NXPH2: variants seen among roughly 807,000 people sequenced by gnomAD.
NXPH2 encodes the protein neurexophilin-2.
NXPH2 carries 5 observed loss-of-function variants against 19.8 expected under a neutral mutation model. The observed-to-expected ratio is 0.25, with a 90% CI of 0.13 to 0.53. The LOEUF is 0.53. Ranked by LOEUF, NXPH2 falls within the 20% of genes least tolerant of loss-of-function variation. The pLI is 0.96. For synonymous variants in NXPH2, 154 were observed against 127.4 expected (o/e 1.21, Z -1.41); for missense variants, 289 against 322.8 (o/e 0.90, Z 0.80).
At chr2:138,763,834 T>C (rs1291065542) in intron 1 of NXPH2, among the ~76,000 whole-genome samples, 2 of 152,202 alleles carry the variant, frequency 1.3e-5, no homozygotes, top group Non-Finnish European at 2.9e-5. Flanking sequence ...CCAAAGTTTT[T>C]CCCTGCAATC....
At chr2:138,675,436 T>C (rs1680471965) in intron 1 of NXPH2, among the ~76,000 whole-genome samples, 1 of 152,186 alleles carries the variant, frequency 6.6e-6, no homozygotes, top group Non-Finnish European at 1.5e-5. Flanking sequence ...AAATACATGA[T>C]AGACACTGAT....
At chr2:138,705,756 T>TCC (rs1324821089) in intron 1 of NXPH2, among the ~76,000 whole-genome samples, 1 of 152,036 alleles carries the variant, frequency 6.6e-6, no homozygotes, top group African/African-American at 2.4e-5. Flanking sequence ...TGGTCCTTGT[T>TCC]CTCTCTCTCT....
rs187126977 is a variant in NXPH2 at position 138,698,586 on chromosome 2, G to A, written c.52-26921C>T. On this transcript the variant is annotated intron_variant, in intron 1 of 1. Transcript: ENST00000272641. ...ATGTGGCATCAGGGCCAGGCGTGGT[G>A]ACTCAGGCCTGTAATCTCAGCACTG... Among the ~76,000 whole-genome samples the A allele has an allele frequency of 1.2e-3, 180 of 152,290 alleles. 1 individual carries two copies. The highest frequency in any genetic ancestry group is 7.2e-3 in the Admixed American group (110 of 15,304).
At chr2:138,767,698 G>A (rs909847544) in intron 1 of NXPH2, among the ~76,000 whole-genome samples, 13 of 151,938 alleles carry the variant, frequency 8.6e-5, no homozygotes, top group African/African-American at 2.9e-4. Context: ...AATCTATCTT[G>A]TTTTTCTGAA....
chr2:138,734,839 G>C (rs1020254367), intron 1 of NXPH2, among the ~76,000 whole-genome samples: 1 of 152,198 alleles, frequency 6.6e-6, no homozygotes, highest in Non-Finnish European at 1.5e-5. Flanking sequence ...AAGAGGAGAG[G>C]AGAGAGAATT....
At chr2:138,695,444 C>G (rs1488899717) in intron 1 of NXPH2, among the ~76,000 whole-genome samples, 5 of 152,064 alleles carry the variant, frequency 3.3e-5, no homozygotes, top group African/African-American at 1.2e-4. Context: ...CAGGTGCTTG[C>G]TTGGGAAGAA....
chr2:138,744,034 T>C (rs1359052227), intron 1 of NXPH2, among the ~76,000 whole-genome samples: 3 of 147,840 alleles, frequency 2.0e-5, no homozygotes, highest in African/African-American at 7.4e-5. Context: ...ACAGAAGGTA[T>C]CCTGTTATTT....
intron 1 of NXPH2, among the ~76,000 whole-genome samples, chr2:138,723,671 T>C (rs1681312965): frequency 6.6e-6 from 1 of 152,178 alleles, no homozygotes; most frequent in Admixed American, 6.5e-5. Context: ...TGGTACTCAA[T>C]GGAATTGTCA....
At chr2:138,773,100 T>A (rs1167315427) in intron 1 of NXPH2, among the ~76,000 whole-genome samples, 1 of 152,186 alleles carries the variant, frequency 6.6e-6, no homozygotes, top group Non-Finnish European at 1.5e-5. Flanking sequence ...TCAGCACAGA[T>A]GTGTGTGGCC....
At chr2:138,747,168 T>C (rs867438982) in intron 1 of NXPH2, among the ~76,000 whole-genome samples, 2 of 152,204 alleles carry the variant, frequency 1.3e-5, no homozygotes, top group African/African-American at 2.4e-5. Context: ...TGAATATTCA[T>C]GCACGTTTAT....
chr2:138,742,803 C>A (rs1423949098), intron 1 of NXPH2, among the ~76,000 whole-genome samples: 1 of 152,150 alleles, frequency 6.6e-6, no homozygotes, highest in Non-Finnish European at 1.5e-5. Flanking sequence ...CAACAAAGTG[C>A]TTTTGAAGCT....
At chr2:138,778,126 C>T (rs1240028351) in intron 1 of NXPH2, among the ~76,000 whole-genome samples, 3 of 152,174 alleles carry the variant, frequency 2.0e-5, no homozygotes, top group Non-Finnish European at 4.4e-5. Flanking sequence ...TTTCCTTTCA[C>T]ATTCTAACCC....
chr2:138,758,350 G>T (rs1681947935), intron 1 of NXPH2, among the ~76,000 whole-genome samples: 1 of 152,126 alleles, frequency 6.6e-6, no homozygotes, highest in South Asian at 2.1e-4. Context: ...CCATTCTTGA[G>T]AAAATTCTGC....
intron 1 of NXPH2, among the ~76,000 whole-genome samples, chr2:138,672,878 T>C (rs561182920): frequency 6.6e-6 from 1 of 152,342 alleles, no homozygotes; most frequent in East Asian, 1.9e-4. Context: ...AAATACTGCA[T>C]TTGACTAGAC....
At chr2:138,730,938 C>T (rs1400414695) in intron 1 of NXPH2, among the ~76,000 whole-genome samples, 2 of 152,246 alleles carry the variant, frequency 1.3e-5, no homozygotes, top group East Asian at 1.9e-4. Flanking sequence ...TTTGCTCTCC[C>T]TAGTATCCTC....
At chr2:138,681,698 A>G (rs113787239) in intron 1 of NXPH2, among the ~76,000 whole-genome samples, 97 of 152,322 alleles carry the variant, frequency 6.4e-4, no homozygotes, top group Non-Finnish European at 1.3e-3. Context: ...GGCATATTCT[A>G]CTAGAGAAAA....
intron 1 of NXPH2, among the ~76,000 whole-genome samples, chr2:138,773,417 T>C (rs1169307159): frequency 6.6e-6 from 1 of 152,160 alleles, no homozygotes; most frequent in Non-Finnish European, 1.5e-5. Flanking sequence ...TGTTAAATGA[T>C]GCTTTATGGT....
intron 1 of NXPH2, among the ~76,000 whole-genome samples, chr2:138,711,780 A>G (rs1360656147): frequency 6.6e-6 from 1 of 152,170 alleles, no homozygotes; most frequent in Non-Finnish European, 1.5e-5. Flanking sequence ...CTGCCTCATG[A>G]CATGGCCTTT....
At chr2:138,692,550 G>A (rs999359735) in intron 1 of NXPH2, among the ~76,000 whole-genome samples, 5 of 152,086 alleles carry the variant, frequency 3.3e-5, no homozygotes, top group South Asian at 2.1e-4. Context: ...CTAAATGTCC[G>A]CTGAAGATGA....
Sources: gnomAD v4.1 joint callset for allele counts (sites outside exome capture counted in the v4.1 genomes callset) on GRCh38, gnomAD v4.1.1 for gene constraint, MANE v1.5 for transcripts, NCBI Gene and HGNC (gene_info 2026-07-23, HGNC 2026-07-21) for gene names.